The following RIT2 variants were observed in gnomAD, a reference collection of about 807,000 sequenced individuals.
RIT2 encodes the protein Ras like without CAAX 2.
A neutral mutation model predicts 23.7 loss-of-function variants in RIT2; 24 were observed. The ratio of observed to expected loss-of-function variants is 1.01; its 90% confidence interval spans 0.73 to 1.43. RIT2 has a LOEUF of 1.43. RIT2 is among the 40% of genes most tolerant of loss of function. RIT2 has a pLI of 0.00. For missense variants in RIT2, 236 were observed against 266.9 expected (o/e 0.88, Z 0.81); for synonymous variants, 107 against 91.1 (o/e 1.17, Z -0.99).
intron 4 of RIT2, among the ~76,000 whole-genome samples, chr18:42,877,153 C>T (rs1907764202): frequency 6.6e-6 from 1 of 151,646 alleles, no homozygotes. Flanking sequence ...AAGAAAACTA[C>T]CAAATTATTA....
chr18:43,014,398 T>C (rs1911423266), intron 2 of RIT2, among the ~76,000 whole-genome samples: 1 of 151,716 alleles, frequency 6.6e-6, no homozygotes, highest in South Asian at 2.1e-4. Context: ...AAGTACAGCA[T>C]TGCAGGACAT....
chr18:42,877,256 G>A (rs1275423097), intron 4 of RIT2, among the ~76,000 whole-genome samples: 7 of 151,852 alleles, frequency 4.6e-5, no homozygotes, highest in Admixed American at 2.6e-4. Flanking sequence ...ATTCAGTTAT[G>A]TTTTGATTAA....
At position 42,947,906 on chromosome 18, in the gene RIT2, A is replaced by G. The variant is rs1382641526; in HGVS notation, c.235-24143T>C. ...AGTAGGTGCTATTACTTTAAGATAT[A>G]TTTTATCCTTTACCTAAAGATATGA... On this transcript the variant is annotated intron_variant, in intron 3 of 4. Coordinates refer to ENST00000326695, the MANE Select transcript of RIT2 (RefSeq NM_002930.4). Among the ~76,000 whole-genome samples, 3 of 152,238 alleles carry G rather than the reference A, an allele frequency of 2.0e-5. No individual in the cohort carries two copies. In the East Asian group the frequency reaches 5.8e-4, roughly 29 times the overall value.
intron 4 of RIT2, among the ~76,000 whole-genome samples, chr18:42,751,237 A>T (rs910496115): frequency 2.0e-5 from 3 of 151,912 alleles, no homozygotes; most frequent in Non-Finnish European, 1.5e-5. Context: ...ATAGAAAGGT[A>T]ATTTTTCTTT....
At chr18:42,859,184 A>T in intron 4 of RIT2, among the ~76,000 whole-genome samples, 1 of 152,194 alleles carries the variant, frequency 6.6e-6, no homozygotes, top group East Asian at 1.9e-4. Context: ...AATGTGTGAG[A>T]GTTCTGATTT....
At chr18:42,755,646 T>A (rs1367783425) in intron 4 of RIT2, among the ~76,000 whole-genome samples, 1 of 152,182 alleles carries the variant, frequency 6.6e-6, no homozygotes, top group Non-Finnish European at 1.5e-5. Context: ...TGAAAATGTG[T>A]CTGTTTTGTT....
chr18:43,048,589 T>C (rs962142734), intron 1 of RIT2, among the ~76,000 whole-genome samples: 1 of 152,192 alleles, frequency 6.6e-6, no homozygotes, highest in African/African-American at 2.4e-5. Context: ...AAACAATATA[T>C]GTAAAGAACT....
intron 2 of RIT2, among the ~76,000 whole-genome samples, chr18:42,992,263 A>G (rs1486388201): frequency 1.3e-5 from 2 of 152,114 alleles, no homozygotes; most frequent in Non-Finnish European, 2.9e-5. Context: ...CTTGACCCCA[A>G]TACAAACTTG....
chr18:42,960,907 ATTTGTATAC>A (rs1910080939), intron 3 of RIT2, among the ~76,000 whole-genome samples: 2 of 152,158 alleles, frequency 1.3e-5, no homozygotes, highest in South Asian at 4.1e-4. Context: ...AACATTATGT[ATTTGTATAC>A]TTTTAATCAA....
intron 4 of RIT2, among the ~76,000 whole-genome samples, chr18:42,887,926 T>C (rs943911415): frequency 2.6e-5 from 4 of 152,144 alleles, no homozygotes; most frequent in Non-Finnish European, 5.9e-5. Flanking sequence ...ACACACTGTA[T>C]AATTCTAACT....
At chr18:42,805,855 G>T (rs891272209) in intron 4 of RIT2, among the ~76,000 whole-genome samples, 1 of 151,918 alleles carries the variant, frequency 6.6e-6, no homozygotes, top group African/African-American at 2.4e-5. Flanking sequence ...CAATGGACAG[G>T]CTAGCTTTAA....
At chr18:43,082,462 T>G (rs1300157551) in intron 1 of RIT2, among the ~76,000 whole-genome samples, 2 of 152,210 alleles carry the variant, frequency 1.3e-5, no homozygotes, top group East Asian at 3.9e-4. Context: ...CTGATGAACA[T>G]CGATGTGAAA....
At chr18:42,857,672 G>A (rs921280894) in intron 4 of RIT2, among the ~76,000 whole-genome samples, 3 of 152,178 alleles carry the variant, frequency 2.0e-5, no homozygotes, top group Non-Finnish European at 2.9e-5. Context: ...AGTAAGAATT[G>A]TACAATGAAG....
intron 3 of RIT2, among the ~76,000 whole-genome samples, chr18:42,941,458 G>C (rs1909598226): frequency 6.6e-6 from 1 of 151,848 alleles, no homozygotes; most frequent in Admixed American, 6.6e-5. Context: ...AAGTTTCACT[G>C]TTTGCCGCCC....
At chr18:43,105,502 G>GAGGAAGGGAGGAAGGGAGGAAGAGAGGA (rs1336223919) in intron 1 of RIT2, among the ~76,000 whole-genome samples, 33 of 57,514 alleles carry the variant, frequency 5.7e-4, no homozygotes, top group Admixed American at 1.1e-3. Context: ...GGAAGAAAGG[G>GAGGAAGGGAGGAAGGGAGGAAGAGAGGA]AGGGAGGGAG....
chr18:43,007,067 T>A (rs557388520), intron 2 of RIT2, among the ~76,000 whole-genome samples: 31 of 151,766 alleles, frequency 2.0e-4, no homozygotes, highest in African/African-American at 7.2e-4. Context: ...TTTTATATCA[T>A]GCAAACTAAC....
intron 4 of RIT2, among the ~76,000 whole-genome samples, chr18:42,747,974 C>T (rs1246066081): frequency 6.6e-6 from 1 of 152,012 alleles, no homozygotes; most frequent in Non-Finnish European, 1.5e-5. Context: ...TAGACATTGG[C>T]TTAGGCAAAG....
intron 1 of RIT2, among the ~76,000 whole-genome samples, chr18:43,101,183 C>T (rs1462768861): frequency 2.6e-5 from 4 of 151,832 alleles, no homozygotes; most frequent in South Asian, 4.1e-4. Flanking sequence ...TTTGTTCATA[C>T]GTATGTTAAA....
chr18:42,863,218 T>G (rs1164279694), intron 4 of RIT2, among the ~76,000 whole-genome samples: 1 of 152,180 alleles, frequency 6.6e-6, no homozygotes, highest in Non-Finnish European at 1.5e-5. Context: ...TTATCCATCC[T>G]TACTGAAAAC....
Sources: allele counts gnomAD v4.1 joint callset (sites outside exome capture counted in the v4.1 genomes callset), GRCh38; gene constraint gnomAD v4.1.1; transcripts MANE v1.5; gene names NCBI Gene and HGNC (gene_info 2026-07-23, HGNC 2026-07-21).